SLC9C2: variants seen among roughly 807,000 people sequenced by gnomAD.
SLC9C2 encodes solute carrier family 9 member C2 (putative), also known as sodium/hydrogen exchanger 11.
Under a neutral mutation model 140.2 loss-of-function variants are expected in SLC9C2, and 75 were observed. The ratio of observed to expected loss-of-function variants is 0.53; its 90% CI spans 0.44 to 0.65. The LOEUF is 0.65. Ranked by LOEUF, SLC9C2 falls within the 30% of genes least tolerant of loss-of-function variation. The pLI is 0.00. For synonymous variants in SLC9C2, 375 were observed against 420.9 expected (o/e 0.89, Z 1.34); for missense variants, 1,074 against 1,331.8 (o/e 0.81, Z 3.01).
chr1:173,501,198 T>G, intron 27 of SLC9C2, 101 bp from the exon 28 acceptor site: 1 of 1,205,854 alleles, frequency 8.3e-7, no homozygotes, highest in South Asian at 1.9e-5. Context: ...GGCATTTCTA[T>G]TTTATTATCT....
intron 4 of SLC9C2, among the ~76,000 whole-genome samples, chr1:173,591,053 C>A (rs1386746843): frequency 2.0e-5 from 3 of 152,024 alleles, no homozygotes; most frequent in African/African-American, 7.3e-5. Context: ...CAAGTAGGCC[C>A]CAGTGTCTGT....
At chr1:173,538,398 T>C (rs1662126752) in intron 13 of SLC9C2, among the ~76,000 whole-genome samples, 1 of 152,212 alleles carries the variant, frequency 6.6e-6, no homozygotes. Context: ...TTTACTAATA[T>C]GATGGATTGT....
chr1:173,589,392 T>A (rs1666032814), intron 4 of SLC9C2, among the ~76,000 whole-genome samples: 1 of 151,958 alleles, frequency 6.6e-6, no homozygotes. Flanking sequence ...ACCTTGCCTT[T>A]ACTAAAAATA....
intron 13 of SLC9C2, among the ~76,000 whole-genome samples, chr1:173,547,293 T>A (rs1662917829): frequency 6.6e-6 from 1 of 151,894 alleles, no homozygotes; most frequent in African/African-American, 2.4e-5. Flanking sequence ...AGATATATTT[T>A]AGCTTATTAT....
At chr1:173,597,371 A>ATGCACAC (rs1161300920) in intron 4 of SLC9C2, among the ~76,000 whole-genome samples, 1 of 152,140 alleles carries the variant, frequency 6.6e-6, no homozygotes, top group African/African-American at 2.4e-5. Flanking sequence ...AAAACCTTAA[A>ATGCACAC]TGCACACAGA....
rs1250211864 is a variant in SLC9C2 at position 173,576,677 on chromosome 1, C to T, written c.886G>A (p.Glu296Lys). The T allele has an allele frequency of 5.6e-6, 9 of 1,610,492 alleles. No homozygotes were observed. In the East Asian group the frequency reaches 1.3e-4, roughly 24 times the overall value. Residue 296 changes from glutamate to lysine, a missense_variant, in exon 8 of 28, where the codon GAA becomes AAA. Transcript: ENST00000367714. ...LDSLTFKPKI[E>K]LVITKFLRIF... ...GAAACTTACTTAGTAATTACAAGTT[C>T]GATCTTCGGTTTAAAAGTTAAAGAA... is the stretch of plus-strand genomic sequence containing the variant.
chr1:173,584,382 C>T (rs72709360), intron 5 of SLC9C2, among the ~76,000 whole-genome samples: 2 of 152,242 alleles, frequency 1.3e-5, no homozygotes, highest in Non-Finnish European at 2.9e-5. Flanking sequence ...TTCCATCTAA[C>T]ATCATTTTCT....
rs4916369 is a variant in SLC9C2 at position 173,538,546 on chromosome 1, T to C, written c.1558-1507A>G. On this transcript the variant is annotated intron_variant, in intron 13 of 27. Transcript: ENST00000367714. ...GTGGGGCAGGGGAAAAGTTAGATGCTTATATGATAAAACAGGAAATTAAGG... is the reference window on the plus strand; with the variant it reads ...GTGGGGCAGGGGAAAAGTTAGATGCCTATATGATAAAACAGGAAATTAAGG... 2.0e-3 allele frequency among the ~76,000 whole-genome samples: 301 copies of C among 151,998 alleles called. 2 individuals are homozygous for C. Among genetic ancestry groups the C allele is most frequent in the South Asian group, 1.9e-3 (9 of 4,818 alleles).
chr1:173,574,684 G>GA (rs1665053029), intron 8 of SLC9C2, among the ~76,000 whole-genome samples: 1 of 150,782 alleles, frequency 6.6e-6, no homozygotes, highest in Non-Finnish European at 1.5e-5. Context: ...CTAATTTTTT[G>GA]TATTTTTAGT....
At chr1:173,562,891 C>A (rs559657525) in intron 9 of SLC9C2, among the ~76,000 whole-genome samples, 1 of 151,950 alleles carries the variant, frequency 6.6e-6, no homozygotes, top group Non-Finnish European at 1.5e-5. Context: ...CATTTCACTG[C>A]GGAAACAAAC....
chr1:173,503,809 T>A (rs1659446750), intron 26 of SLC9C2, among the ~76,000 whole-genome samples: 2 of 152,146 alleles, frequency 1.3e-5, no homozygotes, highest in Admixed American at 6.5e-5. Context: ...CTTAAACAAA[T>A]TAAGAGTCAA....
chr1:173,598,480 G>A (rs1171113463), intron 3 of SLC9C2, among the ~76,000 whole-genome samples: 1 of 152,158 alleles, frequency 6.6e-6, no homozygotes, highest in Non-Finnish European at 1.5e-5. Flanking sequence ...AAGTGAGTCA[G>A]TAGAGAAAAA....
chr1:173,543,614 G>T (rs941252920), intron 13 of SLC9C2, among the ~76,000 whole-genome samples: 1 of 152,106 alleles, frequency 6.6e-6, no homozygotes, highest in South Asian at 2.1e-4. Context: ...ATACTACAAG[G>T]CTACAGTAAC....
chr1:173,584,598 C>G (rs760911425), intron 5 of SLC9C2, among the ~76,000 whole-genome samples: 6 of 151,992 alleles, frequency 3.9e-5, no homozygotes, highest in Admixed American at 1.3e-4. Context: ...TTAAAATTTT[C>G]TCTTTATAAT....
intron 23 of SLC9C2, 112 bp from the exon 24 acceptor site, chr1:173,509,811 C>A: frequency 1.9e-6 from 2 of 1,067,010 alleles, no homozygotes; most frequent in Non-Finnish European, 2.7e-6. Flanking sequence ...TCAATTCTAG[C>A]ATAATTATGA....
In SLC9C2 at chr1:173,516,396, G is replaced by C. The variant is rs375692056; in HGVS notation, c.2907+1141C>G. Among the ~76,000 whole-genome samples the C allele has an allele frequency of 1.1e-4, 17 of 152,236 alleles. No individual in the cohort carries two copies. In the South Asian group the frequency reaches 3.3e-3, roughly 30 times the overall value. The stretch of plus-strand genomic sequence containing the variant: ...TTGTGTCATGAGGGTTTGTTGTACA[G>C]ATTATTTCATCACCCATGTATTAAG... On this transcript the variant is annotated intron_variant, in intron 23 of 27. Coordinates refer to ENST00000367714, the MANE Select transcript of SLC9C2 (RefSeq NM_178527.4).
At position 173,573,622 on chromosome 1, in the gene SLC9C2, G is replaced by T. The variant is rs1664978370; in HGVS notation, c.903-297C>A. 3.3e-5 allele frequency among the ~76,000 whole-genome samples: 5 copies of T among 152,254 alleles called. No homozygotes were observed. The South Asian group carries it at 1.0e-3, about 32-fold the overall frequency. The stretch of plus-strand genomic sequence containing the variant: ...GCTGATGATTTATCAATTTCTCTGG[G>T]ATTCAGTGGGAGCATGTCAACTCTT... On this transcript the variant is annotated intron_variant, in intron 8 of 27. Coordinates refer to ENST00000367714, the MANE Select transcript of SLC9C2 (RefSeq NM_178527.4).
intron 23 of SLC9C2, among the ~76,000 whole-genome samples, chr1:173,514,443 G>T (rs552127777): frequency 9.9e-5 from 15 of 151,994 alleles, no homozygotes; most frequent in Non-Finnish European, 2.2e-4. Context: ...CTTTATTAAA[G>T]TCCGTTTTGT....
chr1:173,573,599 T>C (rs944986710), intron 8 of SLC9C2, among the ~76,000 whole-genome samples: 3 of 152,196 alleles, frequency 2.0e-5, no homozygotes, highest in African/African-American at 7.2e-5. Context: ...CTCCCCCAGC[T>C]GATGATTTAT....
Sources: allele counts gnomAD v4.1 joint callset (sites outside exome capture counted in the v4.1 genomes callset), GRCh38; gene constraint gnomAD v4.1.1; transcripts MANE v1.5; gene names NCBI Gene and HGNC (gene_info 2026-07-23, HGNC 2026-07-21).